Variants in APLP2 observed in about 807,000 individuals in gnomAD.
APLP2 encodes CDEI box-binding protein.
A neutral mutation model predicts 89.9 loss-of-function variants in APLP2; 53 were observed. The ratio of observed to expected loss-of-function variants is 0.59; its 90% CI spans 0.47 to 0.74. The LOEUF (loss-of-function observed/expected upper bound fraction) is 0.74, where lower values mean the gene tolerates loss of function less well. APLP2 is among the 30% of genes least tolerant of loss of function. The pLI, the probability that APLP2 is intolerant of heterozygous loss-of-function variation, is 0.00. For missense variants in APLP2, 973 were observed against 975.9 expected (o/e 1.00, Z 0.04); for synonymous variants, 372 against 348.6 (o/e 1.07, Z -0.75).
In APLP2 at chr11:130,141,734, C is replaced by A; in HGVS notation, c.1998+162C>A. 1.1e-6 allele frequency: 1 copy of A among 923,036 alleles called. No individual in the cohort carries two copies. The highest frequency in any genetic ancestry group is 1.6e-6 in the Non-Finnish European group (1 of 620,142). The allele number at this position is 923,036 out of a possible 1,614,324, so 57.2% of individuals were successfully genotyped here. On this transcript the variant is annotated intron_variant, in intron 15 of 16. Coordinates refer to ENST00000338167, the MANE Select transcript of APLP2 (RefSeq NM_001142276.2). The surrounding 1 kb of genome is among the most constrained non-coding windows in gnomAD (Gnocchi z 4.2). The stretch of plus-strand genomic sequence containing the variant: ...TGGATAAGAAAGCTAAAATTAAAAT[C>A]TCCATGGAGATTGGGAAGAGTGGGC...
In APLP2 at chr11:130,127,788, C is replaced by G; in HGVS notation, c.1244C>G (p.Ala415Gly). 6.2e-7 allele frequency: 1 copy of G among 1,614,130 alleles called. No individual in the cohort carries two copies. Reference sequence around the variant, plus strand: ...TAGGTAAAGAAGGAATGGGAAGAGGCAGAGCTTCAAGCTAAGAACCTCCCC... The same window carrying G: ...TAGGTAAAGAAGGAATGGGAAGAGGGAGAGCTTCAAGCTAAGAACCTCCCC... The part of the protein sequence containing the change: ...MDRVKKEWEE[A>G]ELQAKNLPKA... The change falls in exon 9 of 17, where the codon GCA (alanine) becomes GGA (glycine). Residue 415 changes from alanine to glycine, a missense_variant. Physicochemically the swap from Ala to Gly is moderately conservative, Grantham distance 60. Coordinates refer to ENST00000338167, the MANE Select transcript of APLP2 (RefSeq NM_001142276.2).
rs1950779161 is a variant in APLP2, at chr11:130,130,106, C to T, written c.1524C>T (p.Ile508=). The change falls in exon 11 of 17, where the codon ATC becomes ATT. Residue 508 remains isoleucine (I), a synonymous_variant. Coordinates refer to ENST00000338167, the MANE Select transcript of APLP2 (RefSeq NM_001142276.2). ...RAENKDRLHT[I]RHYQHVLAVD... ...AGAACAAAGATCGCTTACATACCAT[C>T]CGTCATTACCAGCATGTGTTGGCTG... 6.2e-7 allele frequency: 1 copy of T among 1,614,278 alleles called. No individual in the cohort carries two copies. The highest frequency in any genetic ancestry group is 8.5e-7 in the Non-Finnish European group (1 of 1,180,044).
intron 1 of APLP2, among the ~76,000 whole-genome samples, chr11:130,104,520 G>C (rs1204508224): frequency 1.3e-5 from 2 of 152,046 alleles, no homozygotes; most frequent in African/African-American, 4.8e-5. Flanking sequence ...GCCGGGCTTG[G>C]TATGCATCTT....
intron 1 of APLP2, among the ~76,000 whole-genome samples, chr11:130,091,656 A>G: frequency 1.8e-5 from 2 of 110,450 alleles, no homozygotes; most frequent in Admixed American, 8.6e-5. Flanking sequence ...CTCACTTCCC[A>G]GTAGGGGCGG....
At chr11:130,075,599 T>G (rs1433851063) in intron 1 of APLP2, among the ~76,000 whole-genome samples, 3 of 152,202 alleles carry the variant, frequency 2.0e-5, no homozygotes, top group African/African-American at 7.2e-5. Flanking sequence ...CCCCGGATGA[T>G]TCTAATGTGC....
At chr11:130,116,143 T>G (rs1369373596) in intron 3 of APLP2, among the ~76,000 whole-genome samples, 1 of 152,060 alleles carries the variant, frequency 6.6e-6, no homozygotes. Flanking sequence ...TAGGGATACA[T>G]ACATCTTTGA....
chr11:130,116,411 A>G (rs1364851543), intron 3 of APLP2, among the ~76,000 whole-genome samples: 2 of 152,134 alleles, frequency 1.3e-5, no homozygotes, highest in Non-Finnish European at 2.9e-5. Flanking sequence ...GGTTTGTTCT[A>G]GTTTTTTGAT....
At chr11:130,128,796 T>G (rs1235578035) in intron 9 of APLP2, among the ~76,000 whole-genome samples, 1 of 152,216 alleles carries the variant, frequency 6.6e-6, no homozygotes, top group African/African-American at 2.4e-5. Flanking sequence ...CACTTGTAGT[T>G]ACACAGATAC....
At chr11:130,133,234 A>C (rs895516653) in intron 11 of APLP2, among the ~76,000 whole-genome samples, 10 of 151,704 alleles carry the variant, frequency 6.6e-5, no homozygotes, top group Non-Finnish European at 4.4e-5. Flanking sequence ...GTGATCCTCC[A>C]GCCTTAGCCT....
chr11:130,127,664 CA>C (rs1407732833), intron 8 of APLP2, 101 bp from the exon 9 acceptor site: 1 of 959,178 alleles, frequency 1.0e-6, no homozygotes, highest in African/African-American at 1.6e-5. Context: ...TTTCCTTTTG[CA>C]GTTTCCTGTG....
At chr11:130,079,247 C>T (rs1231357060) in intron 1 of APLP2, among the ~76,000 whole-genome samples, 1 of 151,978 alleles carries the variant, frequency 6.6e-6, no homozygotes, top group African/African-American at 2.4e-5. Flanking sequence ...TACAGGCACC[C>T]ACCACCATGC....
intron 1 of APLP2, among the ~76,000 whole-genome samples, chr11:130,085,839 T>C (rs1190121186): frequency 1.3e-5 from 2 of 152,142 alleles, no homozygotes; most frequent in African/African-American, 4.8e-5. Context: ...TTGAGTTTGG[T>C]GTATTTAGTA....
At chr11:130,094,723 A>G (rs974326568) in intron 1 of APLP2, among the ~76,000 whole-genome samples, 1 of 152,202 alleles carries the variant, frequency 6.6e-6, no homozygotes, top group African/African-American at 2.4e-5. Context: ...TTTCTTAGGA[A>G]GCTATGGAGC....
At chr11:130,134,786 C>T (rs1009745364) in intron 12 of APLP2, among the ~76,000 whole-genome samples, 8 of 152,022 alleles carry the variant, frequency 5.3e-5, no homozygotes, top group East Asian at 3.9e-4. Context: ...TGTGGGGCTG[C>T]GCCCAGGGCT....
At chr11:130,119,088 G>T (rs1423365476) in intron 3 of APLP2, among the ~76,000 whole-genome samples, 2 of 152,182 alleles carry the variant, frequency 1.3e-5, no homozygotes, top group African/African-American at 4.8e-5. Flanking sequence ...ACTCATCCAT[G>T]ATGGCGAGGC....
chr11:130,072,036 G>A (rs897963029), intron 1 of APLP2, among the ~76,000 whole-genome samples: 3 of 152,232 alleles, frequency 2.0e-5, no homozygotes, highest in Admixed American at 1.3e-4. Flanking sequence ...CCAAATCCCT[G>A]ATCAAGTTGC....
In APLP2 at chr11:130,141,287, C is replaced by T; in HGVS notation, c.1924-211C>T. The T allele has an allele frequency of 1.8e-6, 1 of 562,192 alleles. No homozygotes were observed. Among genetic ancestry groups the T allele is most frequent in the East Asian group, 3.0e-5 (1 of 33,610 alleles). 34.8% of individuals were successfully genotyped at this position (562,192 alleles called of 1,614,324 possible). ...AGGAAAATGCATACGGGACCAGCTGCCATAATATAGTCTTCCCTCCATACC... is the reference window on the plus strand; with the variant it reads ...AGGAAAATGCATACGGGACCAGCTGTCATAATATAGTCTTCCCTCCATACC... On this transcript the variant is annotated intron_variant, in intron 14 of 16. Coordinates refer to ENST00000338167, the MANE Select transcript of APLP2 (RefSeq NM_001142276.2). The surrounding 1 kb of genome is among the most constrained non-coding windows in gnomAD (Gnocchi z 4.2).
chr11:130,127,891 A>G (rs892261131), intron 9 of APLP2, 51 bp downstream of exon 9: 1 of 1,529,782 alleles, frequency 6.5e-7, no homozygotes, highest in African/African-American at 1.4e-5. Flanking sequence ...ATTGGAAAAT[A>G]CGGTCAGAGC....
intron 1 of APLP2, among the ~76,000 whole-genome samples, chr11:130,081,920 C>A (rs1943217602): frequency 6.6e-6 from 1 of 152,110 alleles, no homozygotes; most frequent in African/African-American, 2.4e-5. Flanking sequence ...AGGACTTGAT[C>A]TAAAATGGAA....
Sources: gnomAD v4.1 joint callset for allele counts (sites outside exome capture counted in the v4.1 genomes callset) on GRCh38, gnomAD v4.1.1 for gene constraint, Gnocchi (gnomAD v3.1) non-coding constraint, MANE v1.5 for transcripts, NCBI Gene and HGNC (gene_info 2026-07-23, HGNC 2026-07-21) for gene names.